Variants in SGIP1 observed in about 807,000 individuals in gnomAD.
SGIP1 encodes the protein SH3-containing GRB2-like protein 3-interacting protein 1.
SGIP1 carries 38 observed loss-of-function variants against 107.5 expected under a neutral mutation model. That is an observed-to-expected ratio of 0.35 (90% CI 0.27 to 0.46). The LOEUF (loss-of-function observed/expected upper bound fraction) is 0.46, where lower values mean the gene tolerates loss of function less well. Ranked by LOEUF, SGIP1 falls within the 20% of genes least tolerant of loss-of-function variation. The pLI, the probability that SGIP1 is intolerant of heterozygous loss-of-function variation, is 1.00. For synonymous variants in SGIP1, 365 were observed against 366.1 expected (o/e 1.00, Z 0.03); for missense variants, 929 against 1,019.5 (o/e 0.91, Z 1.21).
intron 19 of SGIP1, among the ~76,000 whole-genome samples, chr1:66,723,794 G>C (rs1026816713): frequency 4.6e-5 from 7 of 152,064 alleles, no homozygotes; most frequent in Non-Finnish European, 8.8e-5. Flanking sequence ...ATTATGCACC[G>C]TTGCCTTCCC....
At chr1:66,675,541 C>CTTTTTTTTTTTTTTTTTTTTT (rs71242802) in intron 12 of SGIP1, among the ~76,000 whole-genome samples, 2 of 112,392 alleles carry the variant, frequency 1.8e-5, no homozygotes, top group African/African-American at 3.9e-5. Flanking sequence ...CTTTTTCTTT[C>CTTTTTTTTTTTTTTTTTTTTT]TTTTTTTTTT....
In SGIP1 at chr1:66,750,548, TA is replaced by T. The variant is rs373617710; in HGVS notation, c.*7455del. 8.2e-4 allele frequency among the ~76,000 whole-genome samples: 125 copies of T among 152,370 alleles called. No individual in the cohort carries two copies. The highest frequency in any genetic ancestry group is 3.0e-3 in the African/African-American group (123 of 41,600). On this transcript the variant is annotated 3_prime_UTR_variant, in exon 25 of 25. Transcript: ENST00000371037. ...TCTTTTTAATCTTGTACTAAGTACA[TA>T]ATTTCACAAAAATACCTTGGGCATA...
chr1:66,659,274 T>C (rs937270442), intron 7 of SGIP1, among the ~76,000 whole-genome samples: 1 of 152,176 alleles, frequency 6.6e-6, no homozygotes, highest in Admixed American at 6.5e-5. Flanking sequence ...CAGTGAAAGA[T>C]AATGAAGGCC....
chr1:66,539,585 C>T (rs1178803418), intron 1 of SGIP1, among the ~76,000 whole-genome samples: 1 of 152,180 alleles, frequency 6.6e-6, no homozygotes, highest in African/African-American at 2.4e-5. Context: ...GGCTACAAGA[C>T]CCTGCATGCT....
At chr1:66,564,148 G>A (rs924939119) in intron 1 of SGIP1, among the ~76,000 whole-genome samples, 18 of 151,984 alleles carry the variant, frequency 1.2e-4, no homozygotes, top group African/African-American at 4.1e-4. Flanking sequence ...AATAGTCTCT[G>A]AGACAGATCT....
At chr1:66,690,141 T>G in intron 16 of SGIP1, 49 bp from the exon 17 acceptor site, 1 of 1,604,100 alleles carries the variant, frequency 6.2e-7, no homozygotes. Flanking sequence ...GGAGCAAAAA[T>G]ACTGCAACCT....
intron 2 of SGIP1, among the ~76,000 whole-genome samples, chr1:66,632,696 A>G (rs2075023721): frequency 1.3e-5 from 2 of 152,190 alleles, no homozygotes. Context: ...TACTTGCCTC[A>G]TGATAGTTTT....
intron 17 of SGIP1, among the ~76,000 whole-genome samples, chr1:66,693,286 A>AT (rs1557652698): frequency 3.1e-4 from 47 of 150,696 alleles, no homozygotes; most frequent in Admixed American, 4.6e-4. Context: ...AAATAAATAA[A>AT]AAACAGTAAT....
At chr1:66,569,408 T>C (rs1373268814) in intron 1 of SGIP1, among the ~76,000 whole-genome samples, 1 of 151,950 alleles carries the variant, frequency 6.6e-6, no homozygotes, top group Non-Finnish European at 1.5e-5. Context: ...TTCTCCTCTA[T>C]TCCTAGTTTA....
At chr1:66,549,225 CTCTT>C (rs1186884698) in intron 1 of SGIP1, among the ~76,000 whole-genome samples, 4 of 150,492 alleles carry the variant, frequency 2.7e-5, no homozygotes, top group Non-Finnish European at 5.9e-5. Context: ...CTTGCTTCCT[CTCTT>C]TCTTTTTTCT....
chr1:66,640,981 G>C (rs2076683663), intron 5 of SGIP1, among the ~76,000 whole-genome samples: 1 of 152,144 alleles, frequency 6.6e-6, no homozygotes, highest in South Asian at 2.1e-4. Context: ...GTTGCAGTGA[G>C]CTGAGATCGC....
chr1:66,639,972 G>A (rs113647314), intron 5 of SGIP1, 139 bp downstream of exon 5: 53 of 654,412 alleles, frequency 8.1e-5, no homozygotes, highest in African/African-American at 5.5e-4. Context: ...TTAGGATGGG[G>A]CTAAGAACAA....
At chr1:66,605,595 A>G (rs1248330547) in intron 1 of SGIP1, among the ~76,000 whole-genome samples, 2 of 151,234 alleles carry the variant, frequency 1.3e-5, no homozygotes, top group African/African-American at 4.9e-5. Context: ...CTACTGCGCT[A>G]TCTAGTGTGT....
At chr1:66,594,123 T>G (rs372433608) in intron 1 of SGIP1, among the ~76,000 whole-genome samples, 12 of 152,220 alleles carry the variant, frequency 7.9e-5, no homozygotes, top group Admixed American at 2.0e-4. Context: ...TTGGTAGCCA[T>G]AAAATCTAGA....
intron 1 of SGIP1, among the ~76,000 whole-genome samples, chr1:66,585,382 T>C (rs928413745): frequency 2.0e-5 from 3 of 152,164 alleles, no homozygotes; most frequent in African/African-American, 7.2e-5. Context: ...CCTCATGGAG[T>C]CTGAGACTTT....
At chr1:66,700,035 A>G (rs2091637312) in intron 18 of SGIP1, among the ~76,000 whole-genome samples, 1 of 152,114 alleles carries the variant, frequency 6.6e-6, no homozygotes, top group African/African-American at 2.4e-5. Context: ...AGAAACTGAG[A>G]TTCAGATAAT....
chr1:66,644,346 TAA>T (rs200625504), intron 7 of SGIP1, among the ~76,000 whole-genome samples: 13 of 146,380 alleles, frequency 8.9e-5, no homozygotes, highest in East Asian at 4.0e-4. Flanking sequence ...AGATTTGGGG[TAA>T]AAAAAAAAAA....
intron 15 of SGIP1, among the ~76,000 whole-genome samples, chr1:66,688,168 T>C (rs2088917119): frequency 6.6e-6 from 1 of 152,168 alleles, no homozygotes; most frequent in Non-Finnish European, 1.5e-5. Context: ...TTTCTTAGAA[T>C]TTTCTTGGGA....
intron 18 of SGIP1, among the ~76,000 whole-genome samples, chr1:66,712,330 T>C (rs2092971296): frequency 6.6e-6 from 1 of 152,180 alleles, no homozygotes; most frequent in African/African-American, 2.4e-5. Context: ...CTGGCTTTGA[T>C]GACAGAAAGT....
Sources: gnomAD v4.1 joint callset for allele counts (sites outside exome capture counted in the v4.1 genomes callset) on GRCh38, gnomAD v4.1.1 for gene constraint, MANE v1.5 for transcripts, NCBI Gene and HGNC (gene_info 2026-07-23, HGNC 2026-07-21) for gene names.